The following EIF4G3 variants were observed in gnomAD, a reference collection of about 807,000 sequenced individuals.
EIF4G3 encodes the protein eIF-4-gamma 3.
Under a neutral mutation model 186.4 loss-of-function variants are expected in EIF4G3, and 34 were observed. That is an observed-to-expected ratio of 0.18 (90% CI 0.14 to 0.24). The LOEUF (loss-of-function observed/expected upper bound fraction) is 0.24, where lower values mean the gene tolerates loss of function less well. EIF4G3 is among the 10% of genes least tolerant of loss of function. The pLI is 1.00. For missense variants in EIF4G3, 1,536 were observed against 1,948.5 expected (o/e 0.79, Z 3.99); for synonymous variants, 673 against 679.5 (o/e 0.99, Z 0.15).
At chr1:20,833,422 G>A (rs1259154569) in intron 30 of EIF4G3, among the ~76,000 whole-genome samples, 1 of 152,086 alleles carries the variant, frequency 6.6e-6, no homozygotes, top group South Asian at 2.1e-4. Context: ...TGTTGTTGGT[G>A]TATAAGAATG....
intron 2 of EIF4G3, among the ~76,000 whole-genome samples, chr1:21,094,710 T>C (rs2096308663): frequency 6.7e-6 from 1 of 150,280 alleles, no homozygotes; most frequent in Non-Finnish European, 1.5e-5. Flanking sequence ...ACATGGCACA[T>C]GTATACATAT....
chr1:21,073,448 T>C (rs2095500191), intron 3 of EIF4G3, among the ~76,000 whole-genome samples: 1 of 152,202 alleles, frequency 6.6e-6, no homozygotes, highest in Non-Finnish European at 1.5e-5. Flanking sequence ...CCACCAATCA[T>C]CAGGAGGCTC....
At chr1:20,950,173 G>A (rs1366724555) in intron 12 of EIF4G3, 62 bp from the exon 13 acceptor site, 3 of 1,275,584 alleles carry the variant, frequency 2.4e-6, no homozygotes, top group East Asian at 2.5e-5. Context: ...CTAGCAACAT[G>A]GAACCCAAGC....
chr1:20,826,213 T>G (rs2063570008), intron 32 of EIF4G3, among the ~76,000 whole-genome samples: 1 of 152,080 alleles, frequency 6.6e-6, no homozygotes. Context: ...GTAGCTCAGG[T>G]TGAAATGCAG....
intron 2 of EIF4G3, among the ~76,000 whole-genome samples, chr1:21,115,318 G>A (rs2096798050): frequency 6.6e-6 from 1 of 152,116 alleles, no homozygotes; most frequent in Admixed American, 6.6e-5. Context: ...GGGGAGAGAG[G>A]GGAATGGCCT....
At chr1:20,958,517 C>T (rs2096491818) in intron 12 of EIF4G3, among the ~76,000 whole-genome samples, 1 of 152,112 alleles carries the variant, frequency 6.6e-6, no homozygotes, top group Admixed American at 6.5e-5. Flanking sequence ...TTCACCACCT[C>T]TATTCAACAT....
At chr1:21,028,986 G>C (rs1557606950) in intron 4 of EIF4G3, among the ~76,000 whole-genome samples, 1 of 152,098 alleles carries the variant, frequency 6.6e-6, no homozygotes, top group African/African-American at 2.4e-5. Context: ...TGCCGCAAGT[G>C]AATCTCCAGC....
intron 2 of EIF4G3, among the ~76,000 whole-genome samples, chr1:21,147,422 C>T (rs1027667319): frequency 6.6e-6 from 1 of 151,628 alleles, no homozygotes; most frequent in Admixed American, 6.6e-5. Context: ...CTCACTGCAA[C>T]CTCCACCTCC....
chr1:20,807,576 G>A, intron 36 of EIF4G3, 76 bp from the exon 37 acceptor site: 1 of 1,255,860 alleles, frequency 8.0e-7, no homozygotes, highest in East Asian at 2.5e-5. Context: ...TCAAAATAAT[G>A]AATGACTGAA....
At chr1:21,160,631 G>A (rs985328673) in intron 2 of EIF4G3, among the ~76,000 whole-genome samples, 3 of 152,062 alleles carry the variant, frequency 2.0e-5, no homozygotes, top group African/African-American at 4.8e-5. Flanking sequence ...GCATAACCTC[G>A]CCCCATTCAT....
At chr1:20,909,646 TTTTG>T (rs554954519) in intron 14 of EIF4G3, among the ~76,000 whole-genome samples, 26 of 152,320 alleles carry the variant, frequency 1.7e-4, no homozygotes, top group African/African-American at 5.5e-4. Context: ...ATACTGTTTT[TTTTG>T]TTTGTTTGTT....
At chr1:20,884,745 G>A (rs1308669803) in intron 19 of EIF4G3, among the ~76,000 whole-genome samples, 1 of 152,152 alleles carries the variant, frequency 6.6e-6, no homozygotes, top group Non-Finnish European at 1.5e-5. Flanking sequence ...TGACAGCATG[G>A]CTAGTTGTTG....
rs544696062 is a variant in EIF4G3, at chr1:21,140,425, C to T, written c.-272+35750G>A. Among the ~76,000 whole-genome samples, 3 of 152,210 alleles carry T rather than the reference C, an allele frequency of 2.0e-5. No individual in the cohort carries two copies. The East Asian group carries it at 5.8e-4, about 29-fold the overall frequency. Reference sequence around the variant, plus strand: ...GCCTCCTGGGTTCAAGTGGGCCTCCCGCCTCAGCCCCCTAAATAGCTGGGA... The same window carrying T: ...GCCTCCTGGGTTCAAGTGGGCCTCCTGCCTCAGCCCCCTAAATAGCTGGGA... On this transcript the variant is annotated intron_variant, in intron 2 of 36. Transcript: ENST00000602326.
intron 2 of EIF4G3, among the ~76,000 whole-genome samples, chr1:21,108,373 G>A (rs1167915954): frequency 6.6e-6 from 1 of 151,914 alleles, no homozygotes; most frequent in East Asian, 1.9e-4. Flanking sequence ...ATATAAACAT[G>A]TATAACTACT....
intron 18 of EIF4G3, among the ~76,000 whole-genome samples, chr1:20,891,554 C>T (rs1195320783): frequency 2.0e-5 from 3 of 147,904 alleles, no homozygotes; most frequent in Non-Finnish European, 4.4e-5. Flanking sequence ...GGGTGGATCA[C>T]GAGGTCAGGA....
intron 2 of EIF4G3, among the ~76,000 whole-genome samples, chr1:21,133,001 C>T (rs2097180633): frequency 6.6e-6 from 1 of 151,490 alleles, no homozygotes; most frequent in African/African-American, 2.4e-5. Flanking sequence ...CCAGGCTAGT[C>T]TTGAACTCCT....
At chr1:21,011,372 G>A (rs577670618) in intron 4 of EIF4G3, among the ~76,000 whole-genome samples, 8 of 152,050 alleles carry the variant, frequency 5.3e-5, no homozygotes, top group Non-Finnish European at 1.2e-4. Context: ...GATTTACACG[G>A]AATTTGAGAA....
At chr1:20,817,289 A>AAT (rs68082239) in intron 34 of EIF4G3, 103 bp downstream of exon 34, 119,862 of 289,190 alleles carry the variant, frequency 0.41, 27,569 homozygotes, top group East Asian at 0.68. Flanking sequence ...AAAAAAAATA[A>AAT]AAATAAAAAT....
rs745994476 is a variant in EIF4G3 at position 21,176,226 on chromosome 1, A to ACCGCTGCCGCCGCCG, written c.-338_-324dup. On this transcript the variant is annotated 5_prime_UTR_variant, in exon 2 of 37. Coordinates refer to ENST00000602326, the MANE Select transcript of EIF4G3 (RefSeq NM_001391906.1). ...CCTGATGTTCGGGTGAGGAGGGGGG[A>ACCGCTGCCGCCGCCG]CCGCTGCCGCCGCCGCCGCCGCCGC... 2.5e-6 allele frequency: 1 copy of ACCGCTGCCGCCGCCG among 400,500 alleles called. No homozygotes were observed. The highest frequency in any genetic ancestry group is 6.3e-5 in the South Asian group (1 of 15,790). 24.8% of individuals were successfully genotyped at this position (400,500 alleles called of 1,614,324 possible).
Sources: allele counts gnomAD v4.1 joint callset (sites outside exome capture counted in the v4.1 genomes callset), GRCh38; gene constraint gnomAD v4.1.1; transcripts MANE v1.5; gene names NCBI Gene and HGNC (gene_info 2026-07-23, HGNC 2026-07-21).